The following MAP3K1 variants were observed in gnomAD, a reference collection of about 807,000 sequenced individuals.
MAP3K1 encodes the protein mitogen-activated protein kinase kinase kinase 1, also known as MAP/ERK kinase kinase 1.
MAP3K1 carries 36 observed loss-of-function variants against 144.2 expected under a neutral mutation model. That is an observed-to-expected ratio of 0.25 (90% confidence interval 0.19 to 0.33). The LOEUF is 0.33. MAP3K1 is among the 10% of genes least tolerant of loss of function. The probability of loss-of-function intolerance (pLI) is 1.00; values close to 1 mark genes in which losing one functional copy is unlikely to be tolerated. For synonymous variants in MAP3K1, 718 were observed against 688.7 expected (o/e 1.04, Z -0.67); for missense variants, 1,650 against 1,881.9 (o/e 0.88, Z 2.28).
chr5:56,890,212 C>T (rs28663212), intron 19 of MAP3K1, among the ~76,000 whole-genome samples: 5,983 of 152,168 alleles, frequency 0.039, 413 homozygotes, highest in African/African-American at 0.14. Flanking sequence ...ACAGAAGTTG[C>T]TCAATAAATA....
intron 1 of MAP3K1, among the ~76,000 whole-genome samples, chr5:56,835,723 AGGG>A (rs918279262): frequency 4.0e-5 from 6 of 151,736 alleles, no homozygotes; most frequent in Non-Finnish European, 2.9e-5. Flanking sequence ...TAAGATAAAA[AGGG>A]GGGGAATTTT....
chr5:56,886,176 G>A, intron 17 of MAP3K1, 113 bp downstream of exon 17: 1 of 834,258 alleles, frequency 1.2e-6, no homozygotes, highest in Non-Finnish European at 2.0e-6. Flanking sequence ...GGTGAAGGCA[G>A]GTGGATCACT....
At chr5:56,863,124 C>T (rs1245595750) in intron 3 of MAP3K1, among the ~76,000 whole-genome samples, 2 of 152,200 alleles carry the variant, frequency 1.3e-5, no homozygotes, top group Non-Finnish European at 2.9e-5. Flanking sequence ...AAACACCTAG[C>T]TGTAGCCAAT....
At chr5:56,830,734 C>G (rs1169677031) in intron 1 of MAP3K1, among the ~76,000 whole-genome samples, 1 of 152,088 alleles carries the variant, frequency 6.6e-6, no homozygotes, top group Admixed American at 6.5e-5. Context: ...GTCTGACTTC[C>G]TGTCCTTATA....
chr5:56,855,118 C>T (rs1461106721), intron 1 of MAP3K1, among the ~76,000 whole-genome samples: 2 of 151,986 alleles, frequency 1.3e-5, no homozygotes, highest in Non-Finnish European at 2.9e-5. Context: ...CCTCTCCCTC[C>T]TCCTTTTTCT....
rs770768261 is a variant in MAP3K1 at position 56,836,446 on chromosome 5, G to C, written c.483-20154G>C. ...AGTGTTAAAGTGATTAGTTTTTAGA[G>C]AGTTAATTTCGGACCTATTTAGAAA... On this transcript the variant is annotated intron_variant, in intron 1 of 19. Coordinates refer to ENST00000399503, the MANE Select transcript of MAP3K1 (RefSeq NM_005921.2). Among the ~76,000 whole-genome samples, 8 of 152,134 alleles carry C rather than the reference G, an allele frequency of 5.3e-5. No homozygotes were observed. The South Asian group carries it at 8.3e-4, about 16-fold the overall frequency.
At chr5:56,871,376 T>TA (rs1421567326) in intron 6 of MAP3K1, among the ~76,000 whole-genome samples, 1 of 152,194 alleles carries the variant, frequency 6.6e-6, no homozygotes, top group African/African-American at 2.4e-5. Context: ...TTTCTTACGA[T>TA]ACATTCCTAG....
chr5:56,875,588 A>C lies in MAP3K1; in HGVS notation c.1965+278A>C, dbSNP rs186152448. Among the ~76,000 whole-genome samples the C allele has an allele frequency of 7.9e-5, 12 of 152,158 alleles. No homozygotes were observed. The East Asian group carries it at 2.3e-3, about 29-fold the overall frequency. The stretch of plus-strand genomic sequence containing the variant: ...GGTATCCAAGGGAGAGAATATAGTC[A>C]TGGTTTCTTAGTTTCTGTTTGGGCC... On this transcript the variant is annotated intron_variant, in intron 10 of 19. Coordinates refer to ENST00000399503, the MANE Select transcript of MAP3K1 (RefSeq NM_005921.2).
At chr5:56,864,643 G>A in intron 3 of MAP3K1, 91 bp from the exon 4 acceptor site, 1 of 1,383,664 alleles carries the variant, frequency 7.2e-7, no homozygotes, top group East Asian at 2.3e-5. Flanking sequence ...AAAGTGCTGG[G>A]ATTACAGGCG....
chr5:56,865,477 A>G (rs371658475), intron 5 of MAP3K1, 21 bp downstream of exon 5: 253 of 1,270,954 alleles, frequency 2.0e-4, no homozygotes, highest in Non-Finnish European at 2.8e-4. Flanking sequence ...ATAAATGCTT[A>G]GAGTAAAATT....
rs1465464290 is a variant in MAP3K1, at chr5:56,875,154, T to A, written c.1809T>A (p.Thr603=). Residue 603 remains threonine, a synonymous_variant, in exon 10 of 20, where the codon ACT becomes ACA. Transcript: ENST00000399503. The part of the protein sequence containing the change: ...GALLLANGES[T]GNSGGSSGSS... ...TGCTGTTGGCAAATGGGGAGAGCAC[T>A]GGAAATTCTGGGGGCAGCAGTGGAA... 5 of 1,614,132 alleles carry A rather than the reference T, an allele frequency of 3.1e-6. No individual in the cohort carries two copies. In the South Asian group the frequency reaches 5.5e-5, roughly 18 times the overall value.
intron 15 of MAP3K1, among the ~76,000 whole-genome samples, chr5:56,884,433 TG>T (rs1452273286): frequency 6.6e-6 from 1 of 152,248 alleles, no homozygotes; most frequent in Non-Finnish European, 1.5e-5. Flanking sequence ...CTGAGACTAT[TG>T]GAATATTGAC....
At position 56,884,743 on chromosome 5, in the gene MAP3K1, A is replaced by C. The variant is rs1260160451; in HGVS notation, c.3899A>C (p.His1300Pro). ...ALREEIRMMSHLNHPNIIRML... is the reference protein window; with the variant it reads ...ALREEIRMMSPLNHPNIIRML... ...AGAGAAGAGATAAGAATGATGAGCC[A>C]TCTGAATCATCCAAACATCATTAGG... Residue 1300 changes from histidine (H) to proline (P), a missense_variant, in exon 16 of 20, where the codon CAT becomes CCT. Physicochemically the swap from His to Pro is moderately conservative, Grantham distance 77. Around this residue, in one of 6 missense-constraint regions of MAP3K1, gnomAD observed 165 missense variants for 322.9 expected, o/e 0.51. Transcript: ENST00000399503. 9 of 1,613,718 alleles carry C rather than the reference A, an allele frequency of 5.6e-6. No individual in the cohort carries two copies. The highest frequency in any genetic ancestry group is 7.6e-6 in the Non-Finnish European group (9 of 1,179,824).
At chr5:56,836,121 CT>C (rs1394866577) in intron 1 of MAP3K1, among the ~76,000 whole-genome samples, 1 of 152,110 alleles carries the variant, frequency 6.6e-6, no homozygotes, top group Non-Finnish European at 1.5e-5. Flanking sequence ...ATGATTTCTG[CT>C]TGGTTTGTGG....
At chr5:56,842,773 A>G (rs184374345) in intron 1 of MAP3K1, among the ~76,000 whole-genome samples, 54 of 152,298 alleles carry the variant, frequency 3.5e-4, no homozygotes, top group Admixed American at 5.9e-4. Flanking sequence ...CTTTACATAT[A>G]TATTAATTTA....
At chr5:56,865,187 C>T (rs1747639190) in intron 4 of MAP3K1, among the ~76,000 whole-genome samples, 153 bp from the exon 5 acceptor site, 1 of 151,920 alleles carries the variant, frequency 6.6e-6, no homozygotes, top group South Asian at 2.1e-4. Context: ...ATGGAAATAG[C>T]TGTAGATTTT....
At chr5:56,828,705 GT>G (rs1223237568) in intron 1 of MAP3K1, among the ~76,000 whole-genome samples, 1 of 152,128 alleles carries the variant, frequency 6.6e-6, no homozygotes, top group Non-Finnish European at 1.5e-5. Flanking sequence ...TTAGGGGGCA[GT>G]TTTTAAAGTA....
At chr5:56,820,634 T>C (rs1384870848) in intron 1 of MAP3K1, 1 of 985,172 alleles carries the variant, frequency 1.0e-6, no homozygotes, top group African/African-American at 1.7e-5. Flanking sequence ...TGAAAGGAGA[T>C]AAGCTGAAAT....
intron 1 of MAP3K1, among the ~76,000 whole-genome samples, chr5:56,830,792 A>G (rs1251629269): frequency 6.6e-6 from 1 of 151,982 alleles, no homozygotes; most frequent in Non-Finnish European, 1.5e-5. Flanking sequence ...GTGTATTTAG[A>G]GCACATGAGC....
Sources: allele counts gnomAD v4.1 joint callset (sites outside exome capture counted in the v4.1 genomes callset), GRCh38; gene constraint gnomAD v4.1.1; regional missense constraint gnomAD v4.1.1; transcripts MANE v1.5; gene names NCBI Gene and HGNC (gene_info 2026-07-23, HGNC 2026-07-21).